H2BC4: variants seen among roughly 807,000 people sequenced by gnomAD.
H2BC4 encodes H2B clustered histone 4.
In H2BC4, 10 loss-of-function variants were observed where a neutral mutation model predicts 6.2. The ratio of observed to expected loss-of-function variants is 1.61; its 90% CI spans 0.99 to 2.73. The LOEUF (loss-of-function observed/expected upper bound fraction) is 2.73, where lower values mean the gene tolerates loss of function less well. Ranked by LOEUF, H2BC4 falls within the 30% of genes most tolerant of loss-of-function variation. The pLI, the probability that H2BC4 is intolerant of heterozygous loss-of-function variation, is 0.00. For missense variants in H2BC4, 176 were observed against 168.7 expected (o/e 1.04, Z -0.24); for synonymous variants, 146 against 70.7 (o/e 2.07, Z -5.35).
At chr6:26,115,724 A>T (rs1472843300) in intron 1 of H2BC4, among the ~76,000 whole-genome samples, 4 of 152,166 alleles carry the variant, frequency 2.6e-5, no homozygotes, top group African/African-American at 7.2e-5. Context: ...TTTTCCTTCC[A>T]TTCAAGATCT....
At chr6:26,120,809 G>A (rs546935591), downstream of H2BC4, among the ~76,000 whole-genome samples, 68 of 152,088 alleles carry the variant, frequency 4.5e-4, no homozygotes, top group Admixed American at 1.1e-3. Flanking sequence ...ACAACATTAT[G>A]TTTCTTCTGT....
downstream of H2BC4, among the ~76,000 whole-genome samples, chr6:26,122,813 T>C (rs929046426): frequency 2.6e-5 from 4 of 152,234 alleles, no homozygotes; most frequent in African/African-American, 9.6e-5. Context: ...TTGATTTGAA[T>C]CTTGAATAAA....
chr6:26,121,917 G>A (rs1234763961), downstream of H2BC4, among the ~76,000 whole-genome samples: 1 of 151,968 alleles, frequency 6.6e-6, no homozygotes, highest in African/African-American at 2.4e-5. Flanking sequence ...CCAGGGTGTC[G>A]TGGCGCATGC....
chr6:26,115,573 G>A (rs1403387557), intron 1 of H2BC4, among the ~76,000 whole-genome samples: 1 of 152,144 alleles, frequency 6.6e-6, no homozygotes, highest in Non-Finnish European at 1.5e-5. Flanking sequence ...TTTTCATAAA[G>A]AAGATACAGC....
At chr6:26,113,810 T>A (rs1437695152), downstream of H2BC4, among the ~76,000 whole-genome samples, 1 of 151,952 alleles carries the variant, frequency 6.6e-6, no homozygotes, top group Admixed American at 6.5e-5. Flanking sequence ...CTTCTCACTG[T>A]GAGAGCTCAC....
chr6:26,121,153 C>T (rs1359603622), downstream of H2BC4, among the ~76,000 whole-genome samples: 3 of 152,186 alleles, frequency 2.0e-5, no homozygotes, highest in Non-Finnish European at 2.9e-5. Flanking sequence ...AAAACACCAA[C>T]TCTAACCCTG....
downstream of H2BC4, chr6:26,114,818 G>A (rs965311317): frequency 6.6e-6 from 1 of 151,578 alleles, no homozygotes; most frequent in African/African-American, 2.4e-5. Flanking sequence ...TACATGATGT[G>A]AGATATATGT....
At chr6:26,120,435 C>G (rs935365854), downstream of H2BC4, among the ~76,000 whole-genome samples, 1 of 144,462 alleles carries the variant, frequency 6.9e-6, no homozygotes, top group African/African-American at 2.6e-5. Flanking sequence ...GGCCACAGAG[C>G]AAAATTCTGT....
downstream of H2BC4, among the ~76,000 whole-genome samples, chr6:26,118,489 G>C (rs1026908210): frequency 6.6e-6 from 1 of 152,170 alleles, no homozygotes; most frequent in African/African-American, 2.4e-5. Flanking sequence ...CCTGCAAAAA[G>C]TTAGCATGCC....
At chr6:26,120,318 G>T (rs991344435), downstream of H2BC4, among the ~76,000 whole-genome samples, 1 of 152,046 alleles carries the variant, frequency 6.6e-6, no homozygotes, top group Non-Finnish European at 1.5e-5. Flanking sequence ...AGGCGTGGTG[G>T]TGCACCTGTA....
downstream of H2BC4, among the ~76,000 whole-genome samples, chr6:26,123,148 G>A (rs1408751310): frequency 6.6e-6 from 1 of 152,178 alleles, no homozygotes; most frequent in Non-Finnish European, 1.5e-5. Context: ...AGCTGGTGGC[G>A]AAATTATGAC....
downstream of H2BC4, chr6:26,123,299 A>C: frequency 1.3e-6 from 1 of 757,374 alleles, no homozygotes; most frequent in Non-Finnish European, 2.0e-6. Flanking sequence ...AGCACAACGA[A>C]TTGACCCCAA....
Position 26,123,807 on chromosome 6 carries a change from C to T in H2BC4, c.98G>A (p.Ser33Asn), listed in dbSNP as rs1394824133. 1 of 1,614,258 alleles carries T rather than the reference C, an allele frequency of 6.2e-7. No individual in the cohort carries two copies. The highest frequency in any genetic ancestry group is 8.5e-7 in the Non-Finnish European group (1 of 1,180,044). Residue 33 changes from serine (S) to asparagine (N), a missense_variant, in exon 1 of 1, where the codon AGC becomes AAC. Transcript: ENST00000396984. ...GTACACAGAGTAACTCTCCTTGCGG[C>T]TGCGCTTGCGCTTCTTGCCATCTTT... ...QKKDGKKRKR[S>N]RKESYSVYVY...
downstream of H2BC4, among the ~76,000 whole-genome samples, chr6:26,119,555 T>C (rs750410022): frequency 3.3e-5 from 5 of 152,198 alleles, no homozygotes; most frequent in Admixed American, 1.3e-4. Context: ...AAAAATGACA[T>C]TATCTATTAT....
chr6:26,123,377 G>T (rs1416760407), downstream of H2BC4: 2 of 1,366,780 alleles, frequency 1.5e-6, no homozygotes, highest in South Asian at 1.5e-5. Flanking sequence ...TGCAACACTT[G>T]TCCCCACCCC....
At chr6:26,116,690 A>C (rs985686580) in intron 1 of H2BC4, among the ~76,000 whole-genome samples, 2 of 152,180 alleles carry the variant, frequency 1.3e-5, no homozygotes, top group African/African-American at 4.8e-5. Flanking sequence ...CCTGGGCAAC[A>C]AAGTGAGACC....
intron 1 of H2BC4, among the ~76,000 whole-genome samples, chr6:26,116,521 C>CAT (rs1314997695): frequency 2.0e-5 from 3 of 151,708 alleles, no homozygotes; most frequent in African/African-American, 4.9e-5. Context: ...AGTAAGACCC[C>CAT]ATCTCTACAA....
At chr6:26,115,198 T>C (rs1444634122) in intron 1 of H2BC4, 1 of 152,228 alleles carries the variant, frequency 6.6e-6, no homozygotes, top group East Asian at 1.9e-4. Flanking sequence ...AGATATTGTA[T>C]TTGACTCTGA....
downstream of H2BC4, among the ~76,000 whole-genome samples, chr6:26,122,903 T>C (rs1291715910): frequency 6.6e-6 from 1 of 152,182 alleles, no homozygotes; most frequent in Non-Finnish European, 1.5e-5. Flanking sequence ...CTTAGTGTTG[T>C]TATCAAAACT....
Sources: gnomAD v4.1 joint callset for allele counts (sites outside exome capture counted in the v4.1 genomes callset) on GRCh38, gnomAD v4.1.1 for gene constraint, MANE v1.5 for transcripts, NCBI Gene and HGNC (gene_info 2026-07-23, HGNC 2026-07-21) for gene names.